The following ZKSCAN8 variants were observed in gnomAD, a reference collection of about 807,000 sequenced individuals.
ZKSCAN8 encodes the protein zinc finger with KRAB and SCAN domains 8.
ZKSCAN8 carries 27 observed loss-of-function variants against 57.2 expected under a neutral mutation model. The ratio of observed to expected loss-of-function variants is 0.47; its 90% CI spans 0.35 to 0.65. The LOEUF (loss-of-function observed/expected upper bound fraction) is 0.65. Ranked by LOEUF, ZKSCAN8 falls within the 30% of genes least tolerant of loss-of-function variation. The pLI is 0.01. For missense variants in ZKSCAN8, 597 were observed against 696.3 expected (o/e 0.86, Z 1.60); for synonymous variants, 214 against 248.7 (o/e 0.86, Z 1.31).
intron 3 of ZKSCAN8, among the ~76,000 whole-genome samples, chr6:28,151,565 A>G (rs1376124027): frequency 6.6e-6 from 1 of 152,192 alleles, no homozygotes; most frequent in Non-Finnish European, 1.5e-5. Context: ...AGTAGTTTTG[A>G]TGGTAGAGAA....
At chr6:28,150,355 C>T (rs1309546651) in intron 3 of ZKSCAN8, among the ~76,000 whole-genome samples, 6 of 152,174 alleles carry the variant, frequency 3.9e-5, no homozygotes, top group Non-Finnish European at 7.4e-5. Flanking sequence ...AGGAACACCT[C>T]ACCCTGCCAA....
At chr6:28,145,686 G>T (rs1765370849) in intron 1 of ZKSCAN8, among the ~76,000 whole-genome samples, 1 of 152,114 alleles carries the variant, frequency 6.6e-6, no homozygotes, top group African/African-American at 2.4e-5. Context: ...GCATTCCTTG[G>T]CTTGCAGCTG....
At chr6:28,150,261 C>G (rs925359178) in intron 3 of ZKSCAN8, among the ~76,000 whole-genome samples, 3 of 151,788 alleles carry the variant, frequency 2.0e-5, no homozygotes, top group African/African-American at 7.3e-5. Flanking sequence ...TTGAAGAGTA[C>G]AGGTGTGTTA....
chr6:28,152,162 G>C, intron 4 of ZKSCAN8, 99 bp from the exon 5 acceptor site: 1 of 1,516,356 alleles, frequency 6.6e-7, no homozygotes, highest in Non-Finnish European at 8.8e-7. Context: ...ACATTCCCAA[G>C]TTGTAATTCT....
intron 4 of ZKSCAN8, 88 bp from the exon 5 acceptor site, chr6:28,152,173 C>G: frequency 6.5e-7 from 1 of 1,528,380 alleles, no homozygotes; most frequent in Non-Finnish European, 8.8e-7. Flanking sequence ...TTGTAATTCT[C>G]TCCCAATACT....
chr6:28,147,059 T>G (rs1394012241), intron 1 of ZKSCAN8, among the ~76,000 whole-genome samples: 1 of 151,922 alleles, frequency 6.6e-6, no homozygotes, highest in Non-Finnish European at 1.5e-5. Flanking sequence ...ATTAAAAAAA[T>G]GAACTTTTTT....
intron 1 of ZKSCAN8, among the ~76,000 whole-genome samples, chr6:28,146,130 G>A (rs1362756407): frequency 6.6e-6 from 1 of 152,080 alleles, no homozygotes; most frequent in Non-Finnish European, 1.5e-5. Flanking sequence ...CGGACATCAG[G>A]TCTTGTTTCT....
chr6:28,146,013 C>T (rs1765381965), intron 1 of ZKSCAN8, among the ~76,000 whole-genome samples: 1 of 152,180 alleles, frequency 6.6e-6, no homozygotes, highest in Non-Finnish European at 1.5e-5. Flanking sequence ...AAAAGCATAA[C>T]CAAAGTTACC....
At position 28,153,448 on chromosome 6, in the gene ZKSCAN8, A is replaced by G; in HGVS notation, c.1168A>G (p.Asn390Asp). The change falls in exon 6 of 6, where the codon AAC (asparagine) becomes GAC (aspartate). Residue 390 changes from asparagine to aspartate, a missense_variant. Transcript: ENST00000330236. Reference protein sequence around the residue: ...CKECGKAFSQNTGLILHQRIH... With the variant: ...CKECGKAFSQDTGLILHQRIH... ...GGAGTGTGGCAAAGCCTTCAGTCAG[A>G]ACACAGGCCTGATTCTGCACCAGAG... The G allele has an allele frequency of 6.2e-7, 1 of 1,614,238 alleles. No individual in the cohort carries two copies. The highest frequency in any genetic ancestry group is 8.5e-7 in the Non-Finnish European group (1 of 1,180,042).
At position 28,153,500 on chromosome 6, in the gene ZKSCAN8, A is replaced by G. The variant is rs62620226; in HGVS notation, c.1220A>G (p.Gln407Arg). The change falls in exon 6 of 6, where the codon CAG becomes CGG. Residue 407 changes from glutamine (Q) to arginine (R), a missense_variant. Coordinates refer to ENST00000330236, the MANE Select transcript of ZKSCAN8 (RefSeq NM_006298.4). ...QRIHTGEKPY[Q>R]CNQCGKAFSQ... is the part of the protein sequence containing the mutation. ...ATCCACACTGGGGAGAAGCCATATC[A>G]GTGCAATCAGTGTGGGAAGGCTTTC... 0.049 allele frequency: 79,147 copies of G among 1,614,204 alleles called. 2,325 individuals are homozygous for G. Among genetic ancestry groups the G allele is most frequent in the Non-Finnish European group, 0.058 (68,815 of 1,180,018 alleles).
rs757757157 is a variant in ZKSCAN8, at chr6:28,152,282, A to G, written c.673A>G (p.Met225Val). ...GFQTLEKIED[M>V]AVSLIREEWL... The stretch of plus-strand genomic sequence containing the variant: ...TCAGACTTTGGAGAAGATTGAAGAC[A>G]TGGCTGTGTCCCTTATTCGAGAGGA... The change falls in exon 5 of 6, where the codon ATG becomes GTG. Residue 225 changes from methionine to valine, a missense_variant. By Grantham distance (21) the Met-to-Val change is conservative. Transcript: ENST00000330236. 8 of 1,612,196 alleles carry G rather than the reference A, an allele frequency of 5.0e-6. No homozygotes were observed. Among genetic ancestry groups the G allele is most frequent in the Non-Finnish European group, 6.8e-6 (8 of 1,179,358 alleles).
chr6:28,155,836 A>G lies in ZKSCAN8; in HGVS notation c.*1819A>G. The G allele has an allele frequency of 3.7e-6, 1 of 267,390 alleles. No homozygotes were observed. Among genetic ancestry groups the G allele is most frequent in the Non-Finnish European group, 7.0e-6 (1 of 143,494 alleles). 16.6% of individuals were successfully genotyped at this position (267,390 alleles called of 1,614,324 possible). The stretch of plus-strand genomic sequence containing the variant: ...ACCACTAACAACATCAGAATTATCT[A>G]CATCAATTTCATTGAGCCATTGGTG... On this transcript the variant is annotated 3_prime_UTR_variant, in exon 6 of 6. Transcript: ENST00000330236.
chr6:28,154,282 A>T lies in ZKSCAN8; in HGVS notation c.*265A>T. On this transcript the variant is annotated 3_prime_UTR_variant, in exon 6 of 6. Transcript: ENST00000330236. ...TAGAAATTTAAAATAGCATTAGAGC[A>T]AGTTGCTTGTCATGGCTTGAAGAGC... 1 of 364,038 alleles carries T rather than the reference A, an allele frequency of 2.7e-6. No individual in the cohort carries two copies. Among genetic ancestry groups the T allele is most frequent in the Non-Finnish European group, 4.9e-6 (1 of 206,058 alleles). 22.6% of individuals were successfully genotyped at this position (364,038 alleles called of 1,614,324 possible).
upstream of ZKSCAN8, chr6:28,141,863 C>G: frequency 6.6e-6 from 1 of 152,650 alleles, no homozygotes; most frequent in Non-Finnish European, 1.5e-5. Context: ...GCCTTTGGGG[C>G]AAGATGCGTG....
chr6:28,149,562 C>T lies in ZKSCAN8; in HGVS notation c.497C>T (p.Thr166Ile), dbSNP rs200973986. The T allele has an allele frequency of 3.1e-6, 5 of 1,614,036 alleles. No individual in the cohort carries two copies. In the African/African-American group the frequency reaches 5.3e-5, roughly 17 times the overall value. The change falls in exon 3 of 6, where the codon ACT becomes ATT. Residue 166 changes from threonine (T) to isoleucine (I), a missense_variant. By Grantham distance (89) the Thr-to-Ile change is moderately conservative. Transcript: ENST00000330236. ...HSASAPEPPN[T>I]QLQSEATQHK... is the part of the protein sequence containing the mutation. ...GCATCTGCACCAGAGCCTCCAAATA[C>T]TCAGCTCCAATCTGAGGCAACCCAA...
intron 2 of ZKSCAN8, 29 bp downstream of exon 2, chr6:28,148,853 A>T: frequency 6.3e-7 from 1 of 1,582,576 alleles, no homozygotes; most frequent in Non-Finnish European, 8.6e-7. Context: ...GCGTGCTATG[A>T]CTGTGGGAGT....
At chr6:28,150,173 G>A (rs143184125) in intron 3 of ZKSCAN8, among the ~76,000 whole-genome samples, 153 of 152,224 alleles carry the variant, frequency 1.0e-3, no homozygotes, top group African/African-American at 3.4e-3. Context: ...GTCTAGTCTG[G>A]CGTCACACTT....
chr6:28,151,325 A>G (rs1306438099), intron 3 of ZKSCAN8, among the ~76,000 whole-genome samples: 1 of 152,222 alleles, frequency 6.6e-6, no homozygotes, highest in Non-Finnish European at 1.5e-5. Context: ...TTTCTAAAGA[A>G]GCATTAAAAC....
chr6:28,148,484 A>G lies in ZKSCAN8; in HGVS notation c.77A>G (p.Lys26Arg). Residue 26 changes from lysine (K) to arginine (R), a missense_variant, in exon 2 of 6, where the codon AAG (lysine) becomes AGG (arginine). Transcript: ENST00000330236. ...QTPEEDLVIV[K>R]VEEDHGWDQE... ...CCTGAAGAGGATCTTGTAATCGTCA[A>G]GGTAGAGGAGGATCATGGTTGGGAC... 1 of 1,614,208 alleles carries G rather than the reference A, an allele frequency of 6.2e-7. No individual in the cohort carries two copies. Among genetic ancestry groups the G allele is most frequent in the Non-Finnish European group, 8.5e-7 (1 of 1,180,030 alleles).
Sources: gnomAD v4.1 joint callset for allele counts (sites outside exome capture counted in the v4.1 genomes callset) on GRCh38, gnomAD v4.1.1 for gene constraint, MANE v1.5 for transcripts, NCBI Gene and HGNC (gene_info 2026-07-23, HGNC 2026-07-21) for gene names.